ADGRV1: variants seen among roughly 807,000 people sequenced by gnomAD.
ADGRV1 encodes G-protein coupled receptor 98.
In ADGRV1, 359 loss-of-function variants were observed where a neutral mutation model predicts 596.2. The ratio of observed to expected loss-of-function variants is 0.60; its 90% CI spans 0.55 to 0.66. ADGRV1 has a LOEUF of 0.66. Among genes scored for constraint, ADGRV1 ranks in the 30% least tolerant of loss-of-function variants. The pLI, the probability that ADGRV1 is intolerant of heterozygous loss-of-function variation, is 0.00. For synonymous variants in ADGRV1, 2,681 were observed against 2,679.2 expected, an observed-to-expected ratio of 1.00 and a Z score of -0.02; for missense variants, 7,274 against 7,575.6, an observed-to-expected ratio of 0.96 and a Z score of 1.48.
intron 83 of ADGRV1, among the ~76,000 whole-genome samples, chr5:90,938,202 A>T (rs954212894): frequency 2.6e-5 from 4 of 151,108 alleles, no homozygotes; most frequent in Non-Finnish European, 5.9e-5. Flanking sequence ...AGGGGAAAAT[A>T]AAAAAAAAAT....
intron 50 of ADGRV1, among the ~76,000 whole-genome samples, chr5:90,735,032 T>C (rs916634500): frequency 1.3e-5 from 2 of 152,256 alleles, no homozygotes; most frequent in South Asian, 4.1e-4. Flanking sequence ...AACTTTTTAA[T>C]TTGATGCAAT....
intron 85 of ADGRV1, among the ~76,000 whole-genome samples, chr5:90,987,858 T>C (rs2151059272): frequency 6.6e-6 from 1 of 152,184 alleles, no homozygotes; most frequent in Non-Finnish European, 1.5e-5. Flanking sequence ...TAAAAATGCC[T>C]CAAGGGGAAA....
intron 83 of ADGRV1, among the ~76,000 whole-genome samples, chr5:90,958,301 A>G (rs1186726138): frequency 2.2e-5 from 3 of 136,198 alleles, no homozygotes; most frequent in Admixed American, 7.5e-5. Context: ...AAAAAAAAAA[A>G]AAGAAAAGAA....
At chr5:90,633,937 T>G (rs1435598777) in intron 9 of ADGRV1, among the ~76,000 whole-genome samples, 1 of 152,110 alleles carries the variant, frequency 6.6e-6, no homozygotes, top group Non-Finnish European at 1.5e-5. Context: ...CATCGCAAAA[T>G]AGGAGAGAAA....
At chr5:90,960,031 C>T (rs550961215) in intron 83 of ADGRV1, among the ~76,000 whole-genome samples, 7 of 150,354 alleles carry the variant, frequency 4.7e-5, no homozygotes, top group South Asian at 2.1e-4. Flanking sequence ...CCCAGCTACT[C>T]GGGAGGCTGA....
rs61748627 is a variant in ADGRV1 at position 90,840,915 on chromosome 5, C to G, written c.16949C>G (p.Thr5650Ser). The G allele has an allele frequency of 7.0e-4, 1,084 of 1,545,104 alleles. 9 individuals carry two copies. In the African/African-American group the frequency reaches 0.013, roughly 19 times the overall value. The stretch of plus-strand genomic sequence containing the variant: ...GATATTCTCAACAGAGTGCTCCATA[C>G]CATCAGCATGAAAGTGGCCACAGAA... ...NDDILNRVLH[T>S]ISMKVATENT... is the part of the protein sequence containing the mutation. Residue 5650 changes from threonine (T) to serine (S), a missense_variant, in exon 78 of 90, where the codon ACC becomes AGC. Physicochemically the swap from Thr to Ser is moderately conservative, Grantham distance 58. Transcript: ENST00000405460.
chr5:90,653,585 T>C lies in ADGRV1; in HGVS notation c.4011T>C (p.Phe1337=). The C allele has an allele frequency of 6.2e-7, 1 of 1,613,888 alleles. No individual in the cohort carries two copies. Among genetic ancestry groups the C allele is most frequent in the Admixed American group, 1.7e-5 (1 of 59,962 alleles). The stretch of plus-strand genomic sequence containing the variant: ...ACTTTACCGGACTAGAGGGTGCATT[T>C]GGGACTGTTAATCCAAAATACCATC... ...ALYFTGLEGA[F]GTVNPKYHPS... is the part of the protein sequence containing the mutation. Residue 1337 remains phenylalanine, a synonymous_variant, in exon 20 of 90, where the codon TTT becomes TTC. Transcript: ENST00000405460.
intron 86 of ADGRV1, among the ~76,000 whole-genome samples, chr5:91,082,516 G>A (rs533922040): frequency 1.3e-5 from 2 of 152,060 alleles, no homozygotes; most frequent in African/African-American, 4.8e-5. Context: ...TTTTTACAGA[G>A]CATTTTTAAA....
chr5:90,629,343 A>C lies in ADGRV1; in HGVS notation c.1643A>C (p.Lys548Thr). 6.2e-7 allele frequency: 1 copy of C among 1,613,672 alleles called. No homozygotes were observed. The highest frequency in any genetic ancestry group is 2.2e-5 in the East Asian group (1 of 44,834). Residue 548 changes from lysine (K) to threonine (T), a missense_variant, in exon 9 of 90, where the codon AAA becomes ACA. Physicochemically the swap from Lys to Thr is moderately conservative, Grantham distance 78 (BLOSUM62 -1). Around this residue, in one of 5 missense-constraint regions of ADGRV1, gnomAD observed 1,715 missense variants for 1,708.8 expected, o/e 1.00. Coordinates refer to ENST00000405460, the MANE Select transcript of ADGRV1 (RefSeq NM_032119.4). Reference protein sequence around the residue: ...SLSFTRLGGTKGDVRLLYSVL... With the variant: ...SLSFTRLGGTTGDVRLLYSVL... ...AGTTTTACAAGACTAGGAGGGACTA[A>C]AGGAGATGTGAGGTTGCTTTATTCT...
At position 90,721,018 on chromosome 5, in the gene ADGRV1, G is replaced by A; in HGVS notation, c.9707G>A (p.Ser3236Asn). 6.2e-7 allele frequency: 1 copy of A among 1,612,838 alleles called. No individual in the cohort carries two copies. The change falls in exon 45 of 90, where the codon AGT becomes AAT. Residue 3236 changes from serine to asparagine, a missense_variant. Physicochemically the swap from Ser to Asn is conservative, Grantham distance 46 (BLOSUM62 1). Transcript: ENST00000405460. ...ACTAATGGCATTGATTTGGCTGTGA[G>A]TGTGCAGTGGGAGACAGTATCTGAA... ...SRTNGIDLAVSVQWETVSETA... is the reference protein window; with the variant it reads ...SRTNGIDLAVNVQWETVSETA...
intron 85 of ADGRV1, among the ~76,000 whole-genome samples, chr5:90,987,837 C>T (rs1455011835): frequency 1.3e-5 from 2 of 151,910 alleles, no homozygotes; most frequent in Non-Finnish European, 2.9e-5. Flanking sequence ...TATGGAAGAG[C>T]TAAGAATTTT....
At chr5:90,683,443 A>T in intron 27 of ADGRV1, 143 bp from the exon 28 acceptor site, 1 of 652,526 alleles carries the variant, frequency 1.5e-6, no homozygotes, top group Non-Finnish European at 2.5e-6. Context: ...ATAGTATATG[A>T]CCCCTGCCTG....
At chr5:91,023,775 A>G (rs2048216) in intron 85 of ADGRV1, among the ~76,000 whole-genome samples, 2 of 152,254 alleles carry the variant, frequency 1.3e-5, no homozygotes, top group South Asian at 4.1e-4. Flanking sequence ...TCGAGTGGCT[A>G]TACTGACAAG....
At chr5:91,090,305 A>G (rs1276536083) in intron 86 of ADGRV1, among the ~76,000 whole-genome samples, 2 of 152,182 alleles carry the variant, frequency 1.3e-5, no homozygotes, top group Non-Finnish European at 2.9e-5. Context: ...CTGTGTGGGT[A>G]TGTCTCATCT....
intron 1 of ADGRV1, among the ~76,000 whole-genome samples, chr5:90,613,894 C>T (rs1580453200): frequency 6.6e-6 from 1 of 152,182 alleles, no homozygotes; most frequent in East Asian, 1.9e-4. Context: ...TAATAGGAAG[C>T]ATTTTGGCTC....
chr5:91,058,063 T>A (rs1787051820), intron 85 of ADGRV1, among the ~76,000 whole-genome samples: 1 of 152,224 alleles, frequency 6.6e-6, no homozygotes, highest in Non-Finnish European at 1.5e-5. Context: ...TTTAGATTAT[T>A]TGCAGAATAT....
chr5:90,580,979 C>A (rs1263212108), intron 1 of ADGRV1, among the ~76,000 whole-genome samples: 2 of 152,144 alleles, frequency 1.3e-5, no homozygotes, highest in Non-Finnish European at 2.9e-5. Context: ...CTAACCTTGT[C>A]TTCCCACTTT....
At chr5:90,887,879 A>C (rs2150569651) in intron 83 of ADGRV1, among the ~76,000 whole-genome samples, 1 of 152,198 alleles carries the variant, frequency 6.6e-6, no homozygotes, top group South Asian at 2.1e-4. Context: ...GCATTTTTGT[A>C]CCACAGTTTT....
intron 87 of ADGRV1, among the ~76,000 whole-genome samples, chr5:91,114,537 GA>G (rs1047418322): frequency 2.6e-5 from 4 of 152,094 alleles, no homozygotes; most frequent in African/African-American, 9.7e-5. Flanking sequence ...GAAAGAAAGG[GA>G]AGGAGGGAGG....
Sources: allele counts gnomAD v4.1 joint callset (sites outside exome capture counted in the v4.1 genomes callset), GRCh38; gene constraint gnomAD v4.1.1; regional missense constraint gnomAD v4.1.1; transcripts MANE v1.5; gene names NCBI Gene and HGNC (gene_info 2026-07-23, HGNC 2026-07-21).